The following NLGN1 variants were observed in gnomAD, a reference collection of about 807,000 sequenced individuals.
NLGN1 encodes the protein neuroligin 1.
In NLGN1, 12 loss-of-function variants were observed where a neutral mutation model predicts 65.5. The observed-to-expected ratio is 0.18, with a 90% CI of 0.12 to 0.30. The LOEUF is 0.30. NLGN1 is among the 10% of genes least tolerant of loss of function. The pLI is 1.00. For missense variants in NLGN1, 750 were observed against 1,007.1 expected (o/e 0.74, Z 3.46); for synonymous variants, 350 against 359.5 (o/e 0.97, Z 0.30).
At chr3:173,847,493 T>C (rs1041342379) in intron 4 of NLGN1, among the ~76,000 whole-genome samples, 1 of 152,254 alleles carries the variant, frequency 6.6e-6, no homozygotes, top group Non-Finnish European at 1.5e-5. Flanking sequence ...ATTAAAAATG[T>C]AGCTTTAAAG....
intron 4 of NLGN1, among the ~76,000 whole-genome samples, chr3:174,128,089 G>A (rs1190708314): frequency 6.6e-6 from 1 of 151,686 alleles, no homozygotes; most frequent in East Asian, 1.9e-4. Context: ...AATGCTAAAT[G>A]AGAAACCATT....
chr3:174,214,744 A>G (rs4518139), intron 4 of NLGN1, among the ~76,000 whole-genome samples: 93,162 of 151,916 alleles, frequency 0.61, 30,167 homozygotes, highest in East Asian at 0.77. Flanking sequence ...TAAAGTAAAA[A>G]GAGTTCACAG....
intron 4 of NLGN1, among the ~76,000 whole-genome samples, chr3:173,905,661 G>A (rs926866234): frequency 2.6e-5 from 4 of 152,158 alleles, no homozygotes; most frequent in Non-Finnish European, 4.4e-5. Context: ...ATCACTTGGG[G>A]CATTTCAAGC....
At chr3:173,679,832 G>C (rs1035796622) in intron 3 of NLGN1, among the ~76,000 whole-genome samples, 4 of 152,048 alleles carry the variant, frequency 2.6e-5, no homozygotes, top group African/African-American at 7.2e-5. Context: ...ATGTGCTTAT[G>C]ACTAGACAAT....
intron 4 of NLGN1, among the ~76,000 whole-genome samples, chr3:174,021,434 T>C (rs1056254650): frequency 1.3e-5 from 2 of 152,170 alleles, no homozygotes; most frequent in East Asian, 3.9e-4. Flanking sequence ...AATGAAATGA[T>C]GGTGTTACTA....
rs1193590063 is a variant in NLGN1, at chr3:173,489,254, G to T, written c.-321+54176G>T. ...CCCCCTTACCCCCACCCCACAACAG[G>T]CCCCAGTGTGTGATGTCCCCCTTCC... is the stretch of plus-strand genomic sequence containing the variant. On this transcript the variant is annotated intron_variant, in intron 2 of 6. Transcript: ENST00000457714. 3.3e-5 allele frequency among the ~76,000 whole-genome samples: 5 copies of T among 151,518 alleles called. No homozygotes were observed. In the South Asian group the frequency reaches 6.3e-4, roughly 19 times the overall value.
rs777423820 is a variant in NLGN1 at position 174,280,835 on chromosome 3, T to C, written c.2004T>C (p.Asp668=). The C allele has an allele frequency of 1.2e-6, 2 of 1,613,364 alleles. No homozygotes were observed. Among genetic ancestry groups the C allele is most frequent in the Non-Finnish European group, 1.7e-6 (2 of 1,179,582 alleles). The change falls in exon 7 of 7, where the codon GAT becomes GAC. Residue 668 remains aspartate (D), a synonymous_variant. Coordinates refer to ENST00000457714, the Ensembl canonical transcript of NLGN1. The surrounding 1 kb of genome is among the most constrained non-coding windows in gnomAD (Gnocchi z 4.9). ...AACAACCAAGTCCATTTTCAGTGGA[T>C]CAAAGGGACTACTCAACAGAGCTGA...
At chr3:174,227,787 G>A (rs75130934) in intron 4 of NLGN1, among the ~76,000 whole-genome samples, 15,965 of 152,044 alleles carry the variant, frequency 0.11, 1,086 homozygotes, top group Non-Finnish European at 0.16. Context: ...TCAAGTAGAT[G>A]TATATTTCAA....
chr3:173,729,496 G>A (rs1198256831), intron 3 of NLGN1, among the ~76,000 whole-genome samples: 3 of 151,872 alleles, frequency 2.0e-5, no homozygotes, highest in East Asian at 1.9e-4. Context: ...CATAAGTTGC[G>A]TGGATGGTTT....
rs1387202309 is a variant in NLGN1, at chr3:173,725,193, A to T, written c.494-82487A>T. ...AAAGTATAATAATAAAAAAAGAAAAAAATAATATTTTATATCACCATATCA... is the reference window on the plus strand; with the variant it reads ...AAAGTATAATAATAAAAAAAGAAAATAATAATATTTTATATCACCATATCA... On this transcript the variant is annotated intron_variant, in intron 3 of 6. Transcript: ENST00000457714. Among the ~76,000 whole-genome samples, 5 of 152,144 alleles carry T rather than the reference A, an allele frequency of 3.3e-5. No individual in the cohort carries two copies. In the East Asian group the frequency reaches 7.7e-4, roughly 23 times the overall value.
chr3:174,067,782 T>A (rs1738957518), intron 4 of NLGN1, among the ~76,000 whole-genome samples: 1 of 152,164 alleles, frequency 6.6e-6, no homozygotes, highest in Non-Finnish European at 1.5e-5. Flanking sequence ...CAGATTCAAC[T>A]ATTTGAAGAA....
At chr3:173,645,173 C>A (rs1758050565) in intron 3 of NLGN1, among the ~76,000 whole-genome samples, 1 of 152,208 alleles carries the variant, frequency 6.6e-6, no homozygotes, top group Non-Finnish European at 1.5e-5. Context: ...GCAACCAGTA[C>A]CTTCACAGAG....
intron 1 of NLGN1, among the ~76,000 whole-genome samples, chr3:173,417,760 G>C (rs1577355627): frequency 6.6e-6 from 1 of 151,818 alleles, no homozygotes; most frequent in African/African-American, 2.4e-5. Flanking sequence ...AACAGATATT[G>C]TAATACAAAA....
Position 174,280,727 on chromosome 3 carries a change from T to A in NLGN1, c.1896T>A (p.Thr632=). ...CTACAACAACTAAAGTGCCATCAAC[T>A]GACATCACTTTCAGACCTACGAGAA... Residue 632 remains threonine, a synonymous_variant, in exon 7 of 7, where the codon ACT becomes ACA. Coordinates refer to ENST00000457714, the Ensembl canonical transcript of NLGN1. This position sits in a 1 kb window ranked among gnomAD's most constrained non-coding sequence, Gnocchi z 4.9. 6.2e-7 allele frequency: 1 copy of A among 1,613,376 alleles called. No homozygotes were observed. Among genetic ancestry groups the A allele is most frequent in the Non-Finnish European group, 8.5e-7 (1 of 1,179,560 alleles).
At chr3:173,948,733 A>C (rs1236321552) in intron 4 of NLGN1, among the ~76,000 whole-genome samples, 3 of 151,924 alleles carry the variant, frequency 2.0e-5, no homozygotes, top group Non-Finnish European at 4.4e-5. Flanking sequence ...CTGTTCTGAA[A>C]CTCCAGTACC....
chr3:173,977,095 ACACACACACACG>A (rs749843226), intron 4 of NLGN1, among the ~76,000 whole-genome samples: 2,347 of 149,906 alleles, frequency 0.016, 27 homozygotes, highest in Non-Finnish European at 0.024. Context: ...AAAAAGATAC[ACACACACACACG>A]CACACACACA....
At chr3:173,604,291 C>T (rs1047829975) in exon 3 of NLGN1, 2 of 335,798 alleles carry the variant, frequency 6.0e-6, no homozygotes, top group South Asian at 5.3e-5. Context: ...TATAGACCTG[C>T]AGCTAACTGG....
At chr3:173,605,326 GA>G (rs1384783414) in intron 3 of NLGN1, among the ~76,000 whole-genome samples, 1 of 151,964 alleles carries the variant, frequency 6.6e-6, no homozygotes, top group East Asian at 1.9e-4. Flanking sequence ...TATTTAGGTA[GA>G]AATGGGTTTC....
chr3:173,703,780 G>A (rs1036938235), intron 3 of NLGN1, among the ~76,000 whole-genome samples: 1 of 152,132 alleles, frequency 6.6e-6, no homozygotes, highest in Non-Finnish European at 1.5e-5. Flanking sequence ...ATTGAACCAC[G>A]CCAGAAATAT....
Sources: allele counts gnomAD v4.1 joint callset (sites outside exome capture counted in the v4.1 genomes callset), GRCh38; gene constraint gnomAD v4.1.1; non-coding constraint Gnocchi (gnomAD v3.1); transcripts MANE v1.5; gene names NCBI Gene and HGNC (gene_info 2026-07-23, HGNC 2026-07-21).